Variants in TRAK1 observed in about 807,000 individuals in gnomAD.
TRAK1 encodes the protein trafficking kinesin-binding protein 1.
In TRAK1, 33 loss-of-function variants were observed where a neutral mutation model predicts 92.1. The ratio of observed to expected loss-of-function variants is 0.36; its 90% CI spans 0.27 to 0.48. The LOEUF (loss-of-function observed/expected upper bound fraction) is 0.48, where lower values mean the gene tolerates loss of function less well. TRAK1 is among the 20% of genes least tolerant of loss of function. TRAK1 has a pLI of 0.99. For synonymous variants in TRAK1, 521 were observed against 517.3 expected (o/e 1.01, Z -0.10); for missense variants, 1,123 against 1,257.9 (o/e 0.89, Z 1.62).
At chr3:42,136,330 T>C (rs1337410888) in intron 2 of TRAK1, among the ~76,000 whole-genome samples, 1 of 152,120 alleles carries the variant, frequency 6.6e-6, no homozygotes, top group Non-Finnish European at 1.5e-5. Flanking sequence ...TTAAAAGAAG[T>C]TAGATTTTAA....
chr3:42,096,380 G>A (rs1039118173), intron 1 of TRAK1, among the ~76,000 whole-genome samples: 2 of 152,060 alleles, frequency 1.3e-5, no homozygotes, highest in African/African-American at 4.8e-5. Context: ...AGCCTCCTGA[G>A]TAGCTGGGAC....
chr3:42,021,279 A>C (rs1212621883), intron 1 of TRAK1, among the ~76,000 whole-genome samples: 1 of 152,218 alleles, frequency 6.6e-6, no homozygotes, highest in African/African-American at 2.4e-5. Context: ...GACAGTGAGC[A>C]TTTCATTTCA....
chr3:42,114,486 A>G (rs1708904663), intron 1 of TRAK1, among the ~76,000 whole-genome samples: 1 of 152,136 alleles, frequency 6.6e-6, no homozygotes, highest in Non-Finnish European at 1.5e-5. Context: ...CTTAGATTTA[A>G]TCCCAGGTGC....
chr3:42,104,485 C>T (rs563250953), intron 1 of TRAK1, among the ~76,000 whole-genome samples: 21 of 152,224 alleles, frequency 1.4e-4, no homozygotes, highest in South Asian at 8.3e-4. Flanking sequence ...GGGTGCCCCT[C>T]GGAGATGAAG....
intron 2 of TRAK1, among the ~76,000 whole-genome samples, chr3:42,140,505 T>TA (rs1698511856): frequency 6.6e-6 from 1 of 152,132 alleles, no homozygotes; most frequent in South Asian, 2.1e-4. Flanking sequence ...CACATGCCTG[T>TA]AGTCCCAGCT....
At chr3:42,173,758 C>A (rs1702853799) in intron 2 of TRAK1, among the ~76,000 whole-genome samples, 2 of 152,172 alleles carry the variant, frequency 1.3e-5, no homozygotes, top group South Asian at 4.1e-4. Flanking sequence ...TGTCTCAGAG[C>A]CTCAGTTTTC....
chr3:42,109,152 G>A (rs1317079014), intron 1 of TRAK1, among the ~76,000 whole-genome samples: 3 of 152,110 alleles, frequency 2.0e-5, no homozygotes, highest in Admixed American at 1.3e-4. Context: ...TATGTCAAAC[G>A]GGGATAAATG....
intron 1 of TRAK1, among the ~76,000 whole-genome samples, chr3:42,068,001 G>A (rs1343416241): frequency 6.6e-6 from 1 of 151,960 alleles, no homozygotes; most frequent in Admixed American, 6.6e-5. Flanking sequence ...GTGAAACTCC[G>A]TCTCTACAGA....
At chr3:42,140,921 G>T (rs1410116901) in intron 2 of TRAK1, among the ~76,000 whole-genome samples, 1 of 152,182 alleles carries the variant, frequency 6.6e-6, no homozygotes, top group African/African-American at 2.4e-5. Flanking sequence ...GGCTCTGTGT[G>T]CTAGCAGTAA....
intron 2 of TRAK1, among the ~76,000 whole-genome samples, chr3:42,142,800 C>T (rs771636101): frequency 3.3e-5 from 5 of 152,210 alleles, no homozygotes; most frequent in African/African-American, 9.7e-5. Flanking sequence ...ATGGCCTTTA[C>T]AGACTCACCT....
chr3:42,187,894 TGAATAGCACA>T, intron 4 of TRAK1, 141 bp from the exon 5 acceptor site: 1 of 686,244 alleles, frequency 1.5e-6, no homozygotes. Flanking sequence ...CCTCTTTTTT[TGAATAGCACA>T]AAATCAGTTT....
chr3:42,117,692 T>G (rs1177404877), intron 1 of TRAK1, among the ~76,000 whole-genome samples: 1 of 152,140 alleles, frequency 6.6e-6, no homozygotes, highest in African/African-American at 2.4e-5. Context: ...GAAACCCTGT[T>G]GGAATGATCG....
chr3:42,218,187 T>G (rs763655928), intron 14 of TRAK1: 27 of 985,406 alleles, frequency 2.7e-5, no homozygotes, highest in Non-Finnish European at 3.1e-5. Flanking sequence ...AGCATTTATT[T>G]TTTTGTTTGT....
chr3:42,081,439 T>A (rs1372715934), intron 1 of TRAK1, among the ~76,000 whole-genome samples: 2 of 152,212 alleles, frequency 1.3e-5, no homozygotes, highest in Non-Finnish European at 2.9e-5. Context: ...CCAAACCCCT[T>A]CTTTCATTTG....
In TRAK1 at chr3:42,066,079, A is replaced by G. The variant is rs145087859; in HGVS notation, c.-518-21025A>G. On this transcript the variant is annotated intron_variant, in intron 1 of 16. Transcript: ENST00000487159. ...AGTGGCTCACGCCTGTGATCCCAGC[A>G]TTTTGGGAGGCTGAGGCAGGCAAAT... Among the ~76,000 whole-genome samples the G allele has an allele frequency of 7.0e-3, 1,072 of 152,270 alleles. 49 individuals carry two copies. In the East Asian group the frequency reaches 0.13, roughly 18 times the overall value.
chr3:42,029,709 C>G (rs1051402237), intron 1 of TRAK1, among the ~76,000 whole-genome samples: 7 of 152,090 alleles, frequency 4.6e-5, no homozygotes, highest in Non-Finnish European at 1.0e-4. Context: ...GCCACCATGC[C>G]TGGCTAATTT....
intron 4 of TRAK1, among the ~76,000 whole-genome samples, chr3:42,187,297 C>A (rs1458394449): frequency 6.6e-6 from 1 of 152,168 alleles, no homozygotes; most frequent in East Asian, 1.9e-4. Flanking sequence ...ATTGCCCGTG[C>A]AGAGCTGGCA....
intron 1 of TRAK1, among the ~76,000 whole-genome samples, chr3:42,095,418 T>C (rs1255223299): frequency 6.6e-6 from 1 of 152,250 alleles, no homozygotes; most frequent in East Asian, 1.9e-4. Context: ...CATTTACTGT[T>C]AAATGGGGTT....
intron 2 of TRAK1, among the ~76,000 whole-genome samples, chr3:42,164,942 C>T (rs951262358): frequency 6.6e-6 from 1 of 152,160 alleles, no homozygotes; most frequent in African/African-American, 2.4e-5. Context: ...TTCCTTGTGG[C>T]CTATTACCTG....
Sources: gnomAD v4.1 joint callset for allele counts (sites outside exome capture counted in the v4.1 genomes callset) on GRCh38, gnomAD v4.1.1 for gene constraint, MANE v1.5 for transcripts, NCBI Gene and HGNC (gene_info 2026-07-23, HGNC 2026-07-21) for gene names.